Variants in TACC2 observed in about 807,000 individuals in gnomAD.
The protein encoded by TACC2 is transforming acidic coiled-coil-containing protein 2.
Under a neutral mutation model 227.3 loss-of-function variants are expected in TACC2, and 137 were observed. The ratio of observed to expected loss-of-function variants is 0.60; its 90% CI spans 0.52 to 0.69. The LOEUF (loss-of-function observed/expected upper bound fraction) is 0.69. Among genes scored for constraint, TACC2 ranks in the 30% least tolerant of loss-of-function variants. The pLI is 0.00. For missense variants in TACC2, 3,470 were observed against 3,694.4 expected, an observed-to-expected ratio of 0.94 and a Z score of 1.57; for synonymous variants, 1,523 against 1,487.5, an observed-to-expected ratio of 1.02 and a Z score of -0.55.
chr10:122,084,357 C>G lies in TACC2; in HGVS notation c.1857C>G (p.Ser619Arg), dbSNP rs771828660. 6.2e-7 allele frequency: 1 copy of G among 1,613,614 alleles called. No homozygotes were observed. Among genetic ancestry groups the G allele is most frequent in the Admixed American group, 1.7e-5 (1 of 60,030 alleles). The stretch of plus-strand genomic sequence containing the variant: ...GCAAAGATGAGCTTTCAAAGCCAAG[C>G]AGTGATGCAGAGAGCAGAGACCATC... ...EVGKDELSKP[S>R]SDAESRDHPS... Residue 619 changes from serine (S) to arginine (R), a missense_variant, in exon 4 of 23, where the codon AGC becomes AGG. Coordinates refer to ENST00000369005, the MANE Select transcript of TACC2 (RefSeq NM_206862.4).
Position 122,150,154 on chromosome 10 carries a change from G to A in TACC2, c.5834+6448G>A, listed in dbSNP as rs1033943250. On this transcript the variant is annotated intron_variant, in intron 7 of 22. Transcript: ENST00000369005. The surrounding 1 kb of genome is among the most constrained non-coding windows in gnomAD (Gnocchi z 4.0). ...GGGAAGGAGAGCCGGCAGCAGCGGGGCTCCCTGGCCCTACTCTGGGGGCAC... is the reference window on the plus strand; with the variant it reads ...GGGAAGGAGAGCCGGCAGCAGCGGGACTCCCTGGCCCTACTCTGGGGGCAC... Among the ~76,000 whole-genome samples the A allele has an allele frequency of 4.6e-5, 7 of 152,220 alleles. No individual in the cohort carries two copies. The highest frequency in any genetic ancestry group is 1.0e-4 in the Non-Finnish European group (7 of 68,040).
chr10:122,216,734 G>T lies in TACC2; in HGVS notation c.7452G>T (p.Met2484Ile). The change falls in exon 11 of 23, where the codon ATG becomes ATT. Residue 2484 changes from methionine (M) to isoleucine (I), a missense_variant. Around this residue, in one of 10 missense-constraint regions of TACC2, gnomAD observed 345 missense variants for 354.4 expected, o/e 0.97. Coordinates refer to ENST00000369005, the MANE Select transcript of TACC2 (RefSeq NM_206862.4). ...LAVTNQKWTC[M>I]TVDLEADKQD... is the part of the protein sequence containing the mutation. Reference sequence around the variant, plus strand: ...TCACCAACCAGAAGTGGACGTGCATGACAGTGGACCTAGAGGCTGACAAAC... The same window carrying T: ...TCACCAACCAGAAGTGGACGTGCATTACAGTGGACCTAGAGGCTGACAAAC... 1 of 1,614,148 alleles carries T rather than the reference G, an allele frequency of 6.2e-7. No homozygotes were observed. The highest frequency in any genetic ancestry group is 1.1e-5 in the South Asian group (1 of 91,066).
chr10:121,995,720 T>C (rs1953381986), intron 1 of TACC2, among the ~76,000 whole-genome samples: 1 of 152,158 alleles, frequency 6.6e-6, no homozygotes, highest in South Asian at 2.1e-4. Flanking sequence ...GCATGTCACA[T>C]GGCAAGAGAC....
chr10:122,109,784 T>G (rs1185685134), intron 5 of TACC2, among the ~76,000 whole-genome samples: 1 of 152,208 alleles, frequency 6.6e-6, no homozygotes, highest in Non-Finnish European at 1.5e-5. Flanking sequence ...ATACATAGGG[T>G]GCCTTATCCG....
At chr10:122,021,014 G>A (rs532948879) in intron 1 of TACC2, among the ~76,000 whole-genome samples, 1 of 152,106 alleles carries the variant, frequency 6.6e-6, no homozygotes, top group African/African-American at 2.4e-5. Context: ...GGTGGATTAC[G>A]AGGTCAGGAG....
intron 16 of TACC2, among the ~76,000 whole-genome samples, chr10:122,233,846 G>A (rs1267757090): frequency 6.6e-6 from 1 of 152,220 alleles, no homozygotes; most frequent in Non-Finnish European, 1.5e-5. Flanking sequence ...AGTGGCATAA[G>A]GCCTGATGCT....
At chr10:122,111,115 T>A (rs535489658) in intron 5 of TACC2, among the ~76,000 whole-genome samples, 201 of 152,348 alleles carry the variant, frequency 1.3e-3, no homozygotes, top group Admixed American at 2.3e-3. Context: ...CATGATGACA[T>A]TGGGTCCACC....
intron 5 of TACC2, among the ~76,000 whole-genome samples, chr10:122,130,701 C>T (rs760577187): frequency 9.9e-5 from 15 of 152,192 alleles, no homozygotes; most frequent in Non-Finnish European, 1.5e-4. Flanking sequence ...GTTCAACCTT[C>T]GACAAGCTGC....
At position 122,083,397 on chromosome 10, in the gene TACC2, T is replaced by G. The variant is rs919300435; in HGVS notation, c.897T>G (p.Tyr299Ter). The G allele has an allele frequency of 5.6e-6, 9 of 1,613,846 alleles. No individual in the cohort carries two copies. Among genetic ancestry groups the G allele is most frequent in the African/African-American group, 1.3e-5 (1 of 75,050 alleles). Residue 299 changes from tyrosine (Y) to a stop codon, truncating the protein, a stop_gained, in exon 4 of 23, where the codon TAT becomes TAG. Transcript: ENST00000369005. LOFTEE classifies it high-confidence loss of function. ...GCCAAGGGGAGGCGCCGCCTCAGTATTTAACAGATGACTTGGAATTCCTCA... is the reference window on the plus strand; with the variant it reads ...GCCAAGGGGAGGCGCCGCCTCAGTAGTTAACAGATGACTTGGAATTCCTCA... Reference protein sequence around the residue: ...ERGQGEAPPQYLTDDLEFLRA... With the variant: ...ERGQGEAPPQ
chr10:122,220,113 T>C (rs2095495335), intron 11 of TACC2, among the ~76,000 whole-genome samples: 1 of 152,074 alleles, frequency 6.6e-6, no homozygotes, highest in Non-Finnish European at 1.5e-5. Flanking sequence ...TGTCTTTAGT[T>C]TTACCATCAG....
chr10:122,251,923 G>A (rs754482), intron 22 of TACC2, among the ~76,000 whole-genome samples: 11,650 of 152,246 alleles, frequency 0.077, 1,428 homozygotes, highest in African/African-American at 0.26. Flanking sequence ...TGAAAGACCT[G>A]AGTGATATCT....
At chr10:122,158,907 C>T (rs527373322) in intron 7 of TACC2, among the ~76,000 whole-genome samples, 3 of 152,206 alleles carry the variant, frequency 2.0e-5, no homozygotes, top group African/African-American at 7.2e-5. Flanking sequence ...TCTGAGGTCT[C>T]GTGCGGCATG....
intron 7 of TACC2, among the ~76,000 whole-genome samples, chr10:122,193,786 G>T (rs1255402000): frequency 6.6e-6 from 1 of 152,178 alleles, no homozygotes; most frequent in African/African-American, 2.4e-5. Context: ...TCAGGACCGT[G>T]GGCCCTTGGG....
intron 5 of TACC2, among the ~76,000 whole-genome samples, chr10:122,099,175 C>G (rs1377918840): frequency 1.3e-5 from 2 of 152,206 alleles, no homozygotes; most frequent in African/African-American, 4.8e-5. Flanking sequence ...TCTGGCCCTG[C>G]CTGCCAGACG....
intron 6 of TACC2, among the ~76,000 whole-genome samples, chr10:122,139,712 G>GA (rs1362297343): frequency 1.3e-5 from 2 of 152,136 alleles, no homozygotes; most frequent in Admixed American, 6.5e-5. Flanking sequence ...AATTTCGGAA[G>GA]AAAAAAATCA....
chr10:122,087,469 G>A lies in TACC2; in HGVS notation c.4969G>A (p.Gly1657Arg), dbSNP rs751117812. 1.9e-6 allele frequency: 3 copies of A among 1,613,908 alleles called. No individual in the cohort carries two copies. Among genetic ancestry groups the A allele is most frequent in the African/African-American group, 1.3e-5 (1 of 74,936 alleles). ...NSEPWTLDTLGGERRPGVTAG... is the reference protein window; with the variant it reads ...NSEPWTLDTLRGERRPGVTAG... ...TGAGCCCTGGACCCTTGACACGCTTGGGGGTGAAAGGAGACCCGGAGTCAC... is the reference window on the plus strand; with the variant it reads ...TGAGCCCTGGACCCTTGACACGCTTAGGGGTGAAAGGAGACCCGGAGTCAC... Residue 1657 changes from glycine to arginine, a missense_variant, in exon 4 of 23, where the codon GGG becomes AGG. Transcript: ENST00000369005.
intron 6 of TACC2, among the ~76,000 whole-genome samples, chr10:122,135,556 CTTG>C (rs1314429830): frequency 1.3e-5 from 2 of 151,868 alleles, no homozygotes; most frequent in African/African-American, 2.4e-5. Context: ...GTCGTGTTGT[CTTG>C]TTGTTTTTAC....
chr10:122,020,204 A>ACACT (rs1240965037), intron 1 of TACC2, among the ~76,000 whole-genome samples: 1 of 152,186 alleles, frequency 6.6e-6, no homozygotes, highest in Non-Finnish European at 1.5e-5. Flanking sequence ...GATTCTTCTA[A>ACACT]CACTCAATAT....
intron 1 of TACC2, among the ~76,000 whole-genome samples, chr10:122,003,118 G>A (rs1483315525): frequency 3.3e-5 from 5 of 152,032 alleles, no homozygotes; most frequent in Admixed American, 2.6e-4. Flanking sequence ...CAGGAAAATC[G>A]CTTGAACCCA....
Sources: allele counts gnomAD v4.1 joint callset (sites outside exome capture counted in the v4.1 genomes callset), GRCh38; gene constraint gnomAD v4.1.1; regional missense constraint gnomAD v4.1.1; non-coding constraint Gnocchi (gnomAD v3.1); transcripts MANE v1.5; gene names NCBI Gene and HGNC (gene_info 2026-07-23, HGNC 2026-07-21).